Variants in CUBN observed in about 807,000 individuals in gnomAD.
The protein encoded by CUBN is 460 kDa receptor.
In CUBN, 282 loss-of-function variants were observed where a neutral mutation model predicts 405.3. The ratio of observed to expected loss-of-function variants is 0.70; its 90% confidence interval spans 0.63 to 0.77. The LOEUF (loss-of-function observed/expected upper bound fraction) is 0.77. Ranked by LOEUF, CUBN falls within the 30% of genes least tolerant of loss-of-function variation. The probability of loss-of-function intolerance (pLI) is 0.00; values close to 1 mark genes in which losing one functional copy is unlikely to be tolerated. For missense variants in CUBN, 4,514 were observed against 4,475.2 expected (o/e 1.01, Z -0.25); for synonymous variants, 1,684 against 1,617.0 (o/e 1.04, Z -0.99).
chr10:16,901,565 A>G (rs1393429698), intron 51 of CUBN, 106 bp from the exon 52 acceptor site: 7 of 1,451,106 alleles, frequency 4.8e-6, no homozygotes, highest in Non-Finnish European at 6.6e-6. Context: ...GATTAAAAAC[A>G]TAGTAAGGCC....
intron 22 of CUBN, among the ~76,000 whole-genome samples, chr10:17,058,406 G>A (rs1349123575): frequency 6.6e-6 from 1 of 151,958 alleles, no homozygotes; most frequent in African/African-American, 2.4e-5. Flanking sequence ...TTAAAAGCTT[G>A]AAAGTTCTGT....
chr10:17,065,140 C>CCA (rs1175980169), intron 22 of CUBN, among the ~76,000 whole-genome samples: 50 of 135,350 alleles, frequency 3.7e-4, no homozygotes, highest in African/African-American at 1.4e-3. Context: ...CCCCCCCCCC[C>CCA]CACACACACA....
At chr10:17,006,547 G>A (rs1243906317) in intron 28 of CUBN, among the ~76,000 whole-genome samples, 1 of 152,222 alleles carries the variant, frequency 6.6e-6, no homozygotes, top group Non-Finnish European at 1.5e-5. Flanking sequence ...CGAAAGACCA[G>A]TGATAAACAA....
At chr10:17,019,378 C>T (rs765663962) in intron 28 of CUBN, among the ~76,000 whole-genome samples, 31 of 152,020 alleles carry the variant, frequency 2.0e-4, no homozygotes, top group Non-Finnish European at 4.1e-4. Context: ...CCAACCCTAC[C>T]CCTTCCTTTT....
At chr10:16,936,835 G>A (rs1842519843) in intron 39 of CUBN, among the ~76,000 whole-genome samples, 1 of 152,098 alleles carries the variant, frequency 6.6e-6, no homozygotes, top group South Asian at 2.1e-4. Flanking sequence ...TCATGTCTCA[G>A]CCTCCCGAGT....
intron 19 of CUBN, among the ~76,000 whole-genome samples, chr10:17,069,475 C>A (rs962677151): frequency 6.6e-6 from 1 of 152,156 alleles, no homozygotes; most frequent in Non-Finnish European, 1.5e-5. Context: ...CCAATTTCTC[C>A]ACATCCTTGT....
chr10:16,834,418 A>G (rs149867187), intron 64 of CUBN, among the ~76,000 whole-genome samples: 398 of 152,210 alleles, frequency 2.6e-3, no homozygotes, highest in African/African-American at 9.1e-3. Flanking sequence ...GGGTGTGTGG[A>G]CGATGGGCAA....
At chr10:16,922,566 A>G (rs1473089592) in intron 43 of CUBN, among the ~76,000 whole-genome samples, 4 of 152,144 alleles carry the variant, frequency 2.6e-5, no homozygotes, top group African/African-American at 9.7e-5. Context: ...TAACTAACTG[A>G]GGGTGGCATC....
chr10:16,926,472 G>A (rs1266191794), intron 41 of CUBN, among the ~76,000 whole-genome samples: 3 of 152,242 alleles, frequency 2.0e-5, no homozygotes, highest in Middle Eastern at 3.4e-3. Flanking sequence ...ACTGTAAGGG[G>A]TGGAGGACAG....
chr10:17,095,826 T>C (rs1448847267), intron 14 of CUBN, among the ~76,000 whole-genome samples: 1 of 152,092 alleles, frequency 6.6e-6, no homozygotes, highest in East Asian at 1.9e-4. Flanking sequence ...AATACATTCA[T>C]ACATTCACCA....
chr10:16,893,624 T>C (rs955523363), intron 54 of CUBN, among the ~76,000 whole-genome samples: 9 of 152,296 alleles, frequency 5.9e-5, no homozygotes, highest in Middle Eastern at 3.4e-3. Flanking sequence ...CAGCAGAGTA[T>C]GTAATCTTTG....
Position 17,115,309 on chromosome 10 carries a change from T to A in CUBN, c.720+162A>T, listed in dbSNP as rs565602057. 7.2e-5 allele frequency among the ~76,000 whole-genome samples: 11 copies of A among 151,928 alleles called. No individual in the cohort carries two copies. The South Asian group carries it at 2.3e-3, about 32-fold the overall frequency. On this transcript the variant is annotated intron_variant, in intron 7 of 66. Coordinates refer to ENST00000377833, the MANE Select transcript of CUBN (RefSeq NM_001081.4). ...ATCTTAATCTCTGGGTCCTACTTCC[T>A]GCATAGTTCATCTCCCCTCCTCGCC...
chr10:16,837,362 C>T (rs914501793), intron 62 of CUBN, among the ~76,000 whole-genome samples: 1 of 152,064 alleles, frequency 6.6e-6, no homozygotes, highest in Non-Finnish European at 1.5e-5. Flanking sequence ...CTTCCATCCT[C>T]GTCTCAAAGC....
intron 62 of CUBN, 40 bp downstream of exon 62, chr10:16,840,290 G>C (rs1296178937): frequency 6.6e-7 from 1 of 1,518,674 alleles, no homozygotes; most frequent in East Asian, 2.3e-5. Flanking sequence ...CTGGTGAAAA[G>C]GTCACTAGAT....
At position 16,918,698 on chromosome 10, in the gene CUBN, T is replaced by A. The variant is rs115303408; in HGVS notation, c.6924A>T (p.Ser2308=). 2,516 of 1,613,968 alleles carry A rather than the reference T, an allele frequency of 1.6e-3. 14 individuals are homozygous for A. In the African/African-American group the frequency reaches 0.022, roughly 14 times the overall value. ...GTSLPSSQWS[S]GEVMYLRFRS... ...GAAATCTCAAATACATAACCTCTCC[T>A]GAGGACCACTGACTGCTGGGCAAAG... Residue 2308 remains serine, a synonymous_variant, in exon 45 of 67, where the codon TCA becomes TCT. Coordinates refer to ENST00000377833, the MANE Select transcript of CUBN (RefSeq NM_001081.4).
At chr10:17,044,581 C>A (rs1462050132) in intron 25 of CUBN, among the ~76,000 whole-genome samples, 1 of 152,024 alleles carries the variant, frequency 6.6e-6, no homozygotes, top group Non-Finnish European at 1.5e-5. Context: ...CACTTCAATA[C>A]ATTTTTATTT....
intron 31 of CUBN, among the ~76,000 whole-genome samples, chr10:16,972,080 C>T (rs959728274): frequency 1.3e-5 from 2 of 152,120 alleles, no homozygotes; most frequent in African/African-American, 4.8e-5. Flanking sequence ...CCTTGAAATT[C>T]AGCTTCCCTC....
In CUBN at chr10:17,071,426, C is replaced by T. The variant is rs149242963; in HGVS notation, c.2625G>A (p.Glu875=). Residue 875 remains glutamate (E), a splice_region_variant and synonymous_variant, in exon 19 of 67, where the codon GAG becomes GAA. Transcript: ENST00000377833. ...AATTCAAAGATTTTTTCCCTCTTAC[C>T]TCAACATAATCTGTTTCACAGTGGG... ...SSAHCETDYV[E]IGSSSILGSP... is the part of the protein sequence containing the mutation. 1 of 1,613,676 alleles carries T rather than the reference C, an allele frequency of 6.2e-7. No individual in the cohort carries two copies. Among genetic ancestry groups the T allele is most frequent in the Admixed American group, 1.7e-5 (1 of 59,990 alleles).
In CUBN at chr10:17,071,944, T is replaced by C. The variant is rs369408738; in HGVS notation, c.2329A>G (p.Lys777Glu). Residue 777 changes from lysine (K) to glutamate (E), a missense_variant, in exon 18 of 67, where the codon AAA (lysine) becomes GAA (glutamate). Transcript: ENST00000377833. ...GAGATGGTTCCGTTGCCACAGACTT[T>C]TCCAAGTAAGGTTTCACCATCTCGA... ...EVRDGETLLG[K>E]VCGNGTISHI... is the part of the protein sequence containing the mutation. The C allele has an allele frequency of 3.7e-6, 6 of 1,612,818 alleles. No homozygotes were observed. The African/African-American group carries it at 8.0e-5, about 22-fold the overall frequency.
Sources: gnomAD v4.1 joint callset for allele counts (sites outside exome capture counted in the v4.1 genomes callset) on GRCh38, gnomAD v4.1.1 for gene constraint, MANE v1.5 for transcripts, NCBI Gene and HGNC (gene_info 2026-07-23, HGNC 2026-07-21) for gene names.